Variants in ATP2B3 observed in about 807,000 individuals in gnomAD.
ATP2B3 encodes ATPase plasma membrane Ca2+ transporting 3.
ATP2B3 carries 12 observed loss-of-function variants against 70.8 expected under a neutral mutation model. The observed-to-expected ratio is 0.17, with a 90% CI of 0.11 to 0.27. The LOEUF (loss-of-function observed/expected upper bound fraction) is 0.27. ATP2B3 is among the 10% of genes least tolerant of loss of function. ATP2B3 has a pLI of 1.00. For missense variants in ATP2B3, 858 were observed against 1,118.5 expected (o/e 0.77, Z 3.32); for synonymous variants, 460 against 497.8 (o/e 0.92, Z 1.01).
rs1557017597 is a variant in ATP2B3, at chrX:153,564,964, A to G, written c.3203A>G (p.Glu1068Gly). 8.3e-7 allele frequency: 1 copy of G among 1,199,009 alleles called. No homozygotes were observed. The highest frequency in any genetic ancestry group is 1.1e-6 in the Non-Finnish European group (1 of 888,414). ...IPTSQLKCLK[E>G]AGHGPGKDEM... ...ACCAGCCAGCTCAAGTGCCTGAAGG[A>G]AGCCGGGCACGGGCCCGGGAAGGAC... Residue 1068 changes from glutamate to glycine, a missense_variant, in exon 21 of 22, where the codon GAA (glutamate) becomes GGA (glycine). Around this residue, in one of 5 missense-constraint regions of ATP2B3, gnomAD observed 265 missense variants for 305.3 expected, o/e 0.87. Coordinates refer to ENST00000263519, the MANE Select transcript of ATP2B3 (RefSeq NM_001001344.3).
At chrX:153,520,038 G>A (rs2089935255) in intron 2 of ATP2B3, among the ~76,000 whole-genome samples, 1 of 105,186 alleles carries the variant, frequency 9.5e-6, no homozygotes, top group Non-Finnish European at 2.0e-5. Flanking sequence ...GATGGTCTTT[G>A]TGACCTTGGC....
chrX:153,525,151 C>A (rs1556999311), intron 2 of ATP2B3, among the ~76,000 whole-genome samples: 1 of 112,299 alleles, frequency 8.9e-6, no homozygotes, highest in African/African-American at 3.2e-5. Context: ...GATTGGGAAG[C>A]CACTGTGGGC....
Position 153,549,535 on chromosome X carries a change from T to C in ATP2B3, c.1377T>C (p.Asp459=). 8.2e-7 allele frequency: 1 copy of C among 1,212,158 alleles called. No individual in the cohort carries two copies. The highest frequency in any genetic ancestry group is 1.8e-5 in the South Asian group (1 of 57,027). Residue 459 remains aspartate, a synonymous_variant, in exon 11 of 22, where the codon GAT becomes GAC. Coordinates refer to ENST00000263519, the MANE Select transcript of ATP2B3 (RefSeq NM_001001344.3). ...MKDNNLVRHL[D]ACETMGNATA... is the part of the protein sequence containing the mutation. ...ACAACAACCTGGTGCGCCACCTGGA[T>C]GCCTGCGAGACCATGGGCAACGCCA...
rs575379053 is a variant in ATP2B3, at chrX:153,536,336, C to T, written c.89C>T (p.Thr30Met). Reference protein sequence around the residue: ...DVPQAGGFGCTLAELRTLMEL... With the variant: ...DVPQAGGFGCMLAELRTLMEL... ...CCCCAGGCTGGAGGCTTTGGGTGCA[C>T]GCTGGCGGAGCTGCGCACCCTCATG... The change falls in exon 3 of 22, where the codon ACG becomes ATG. Residue 30 changes from threonine to methionine, a missense_variant. This residue lies in a region of ATP2B3 where 278 missense variants were observed against 366.2 expected (regional missense o/e 0.76). Coordinates refer to ENST00000263519, the MANE Select transcript of ATP2B3 (RefSeq NM_001001344.3). The T allele has an allele frequency of 4.3e-5, 52 of 1,198,129 alleles. No individual in the cohort carries two copies. The South Asian group carries it at 8.4e-4, about 19-fold the overall frequency.
At chrX:153,573,113 C>T (rs782539375) in intron 21 of ATP2B3, among the ~76,000 whole-genome samples, 1 of 112,819 alleles carries the variant, frequency 8.9e-6, no homozygotes, top group South Asian at 3.7e-4. Context: ...GGTTAGGCAG[C>T]AGGCCATGAG....
At chrX:153,526,560 G>A (rs1269339659) in intron 2 of ATP2B3, among the ~76,000 whole-genome samples, 1 of 112,041 alleles carries the variant, frequency 8.9e-6, no homozygotes, top group Non-Finnish European at 1.9e-5. Flanking sequence ...AACCAGCAAT[G>A]CTCAGTTCAC....
chrX:153,577,114 C>A (rs1342429793), intron 21 of ATP2B3, among the ~76,000 whole-genome samples: 3 of 112,868 alleles, frequency 2.7e-5, no homozygotes, highest in African/African-American at 9.7e-5. Context: ...GTCACTTGTG[C>A]ATTCCCCAAG....
intron 3 of ATP2B3, among the ~76,000 whole-genome samples, chrX:153,539,154 G>T (rs1357002943): frequency 8.9e-6 from 1 of 112,419 alleles, no homozygotes; most frequent in Admixed American, 9.3e-5. Context: ...ACCTGGCTTA[G>T]CTCCTGTAAT....
chrX:153,582,255 C>T lies in ATP2B3; in HGVS notation c.*1957C>T, dbSNP rs1189358641. On this transcript the variant is annotated 3_prime_UTR_variant, in exon 22 of 22. Transcript: ENST00000263519. ...AAGAATTTCGGTTAGAAAAGAAAAT[C>T]CCACTTTAAAATGCCAGCTGCAGAT... The T allele has an allele frequency of 1.8e-5, 2 of 112,907 alleles. No homozygotes were observed. The highest frequency in any genetic ancestry group is 6.4e-5 in the African/African-American group (2 of 31,017). The allele number at this position is 112,907 out of a possible 1,213,427, so 9.3% of individuals were successfully genotyped here.
rs1340289205 is a variant in ATP2B3 at position 153,557,005 on chromosome X, G to A, written c.2415G>A (p.Ala805=). 4.6e-5 allele frequency: 54 copies of A among 1,184,866 alleles called. No homozygotes were observed. The highest frequency in any genetic ancestry group is 5.3e-5 in the African/African-American group (3 of 56,907). ...ACGATGGGCCGGCCCTCAAGAAGGC[G>A]GACGTGGGCTTCGCCATGGTAAGCC... The part of the protein sequence containing the change: ...GTNDGPALKK[A]DVGFAMGIAG... The change falls in exon 16 of 22, where the codon GCG becomes GCA. Residue 805 remains alanine (A), a synonymous_variant. Transcript: ENST00000263519.
intron 2 of ATP2B3, among the ~76,000 whole-genome samples, chrX:153,530,994 C>A (rs1023935403): frequency 8.9e-6 from 1 of 112,550 alleles, no homozygotes; most frequent in Non-Finnish European, 1.9e-5. Context: ...CTTCCCTCCC[C>A]CTTCCCTGGC....
chrX:153,570,425 G>A (rs892408473), intron 21 of ATP2B3, among the ~76,000 whole-genome samples: 2 of 112,669 alleles, frequency 1.8e-5, no homozygotes, highest in African/African-American at 3.2e-5. Flanking sequence ...GCACTCAGAG[G>A]CCTCTTCAAG....
chrX:153,522,864 G>A (rs1246459470), intron 2 of ATP2B3, among the ~76,000 whole-genome samples: 3 of 104,615 alleles, frequency 2.9e-5, no homozygotes, highest in Non-Finnish European at 5.8e-5. Flanking sequence ...CGCACTGCCT[G>A]TGCTCAGGAA....
intron 2 of ATP2B3, among the ~76,000 whole-genome samples, 56 bp downstream of exon 2, chrX:153,518,607 C>T (rs1285689151): frequency 9.0e-6 from 1 of 111,672 alleles, no homozygotes; most frequent in East Asian, 2.8e-4. Flanking sequence ...GACCTGGTGT[C>T]CTTCCTTCTG....
chrX:153,560,696 G>A lies in ATP2B3; in HGVS notation c.2860G>A (p.Asp954Asn), dbSNP rs924205905. The A allele has an allele frequency of 2.5e-6, 3 of 1,211,799 alleles. No individual in the cohort carries two copies. Among genetic ancestry groups the A allele is most frequent in the South Asian group, 1.8e-5 (1 of 56,964 alleles). Residue 954 changes from aspartate (D) to asparagine (N), a missense_variant, in exon 19 of 22, where the codon GAC becomes AAC. Coordinates refer to ENST00000263519, the MANE Select transcript of ATP2B3 (RefSeq NM_001001344.3). The part of the protein sequence containing the change: ...LFVGELFFDI[D>N]SGRNAPLHSP... The stretch of plus-strand genomic sequence containing the variant: ...TCCAGGGGAGCTCTTCTTCGACATC[G>A]ACAGCGGGAGGAATGCGCCCCTGCA...
intron 2 of ATP2B3, chrX:153,532,994 C>A (rs1484314463): frequency 8.9e-6 from 1 of 111,897 alleles, no homozygotes; most frequent in Non-Finnish European, 1.9e-5. Flanking sequence ...TGCCCTATAG[C>A]CTGTTGCATT....
rs868971762 is a variant in ATP2B3 at position 153,565,041 on chromosome X, G to A, written c.3280G>A (p.Glu1094Lys). 1.2e-5 allele frequency: 14 copies of A among 1,200,084 alleles called. No homozygotes were observed. The highest frequency in any genetic ancestry group is 3.0e-5 in the East Asian group (1 of 33,237). ...AEGEEEIDHA[E>K]RELRRGQILW... ...AGGCGAGGAAGAGATCGACCATGCCGAGCGGGAGCTCCGCAGGGGCCAGAT... is the reference window on the plus strand; with the variant it reads ...AGGCGAGGAAGAGATCGACCATGCCAAGCGGGAGCTCCGCAGGGGCCAGAT... The change falls in exon 21 of 22, where the codon GAG becomes AAG. Residue 1094 changes from glutamate (E) to lysine (K), a missense_variant. Transcript: ENST00000263519.
intron 21 of ATP2B3, among the ~76,000 whole-genome samples, chrX:153,567,796 C>T (rs1012823208): frequency 1.1e-4 from 12 of 112,220 alleles, no homozygotes; most frequent in African/African-American, 3.9e-4. Flanking sequence ...CCGACTCTTC[C>T]ACGGGCTCCT....
intron 2 of ATP2B3, among the ~76,000 whole-genome samples, chrX:153,522,639 T>C (rs1400918894): frequency 6.2e-5 from 7 of 112,241 alleles, no homozygotes; most frequent in Non-Finnish European, 1.3e-4. Flanking sequence ...TGGAAGGCAG[T>C]GGCCAAGCAT....
Sources: allele counts gnomAD v4.1 joint callset (sites outside exome capture counted in the v4.1 genomes callset), GRCh38; gene constraint gnomAD v4.1.1; regional missense constraint gnomAD v4.1.1; transcripts MANE v1.5; gene names NCBI Gene and HGNC (gene_info 2026-07-23, HGNC 2026-07-21).